DIAPH2: variants seen among roughly 807,000 people sequenced by gnomAD.
The protein encoded by DIAPH2 is protein diaphanous homolog 2.
In DIAPH2, 35 loss-of-function variants were observed where a neutral mutation model predicts 92.7. That is an observed-to-expected ratio of 0.38 (90% confidence interval 0.29 to 0.50). The LOEUF (loss-of-function observed/expected upper bound fraction) is 0.50. DIAPH2 is among the 20% of genes least tolerant of loss of function. DIAPH2 has a pLI of 0.94. For synonymous variants in DIAPH2, 301 were observed against 280.4 expected (o/e 1.07, Z -0.73); for missense variants, 701 against 819.5 (o/e 0.86, Z 1.77).
At chrX:96,770,810 C>CT (rs2064333746) in intron 4 of DIAPH2, among the ~76,000 whole-genome samples, 1 of 111,927 alleles carries the variant, frequency 8.9e-6, no homozygotes, top group Admixed American at 9.5e-5. Context: ...TATAAGTGAT[C>CT]TTTTAAAAAT....
chrX:97,038,133 C>T (rs2066423491), intron 17 of DIAPH2, among the ~76,000 whole-genome samples: 2 of 111,402 alleles, frequency 1.8e-5, no homozygotes, highest in African/African-American at 3.3e-5. Context: ...TCCTGAATTA[C>T]TTCACTTAGG....
At chrX:97,356,592 T>C (rs910529228) in intron 24 of DIAPH2, among the ~76,000 whole-genome samples, 1 of 112,121 alleles carries the variant, frequency 8.9e-6, no homozygotes, top group African/African-American at 3.2e-5. Context: ...ACAGATATCA[T>C]TGAATTCTTC....
chrX:97,073,204 T>G lies in DIAPH2; in HGVS notation c.2152+162T>G, dbSNP rs767077036. Among the ~76,000 whole-genome samples, 7 of 112,158 alleles carry G rather than the reference T, an allele frequency of 6.2e-5. No individual in the cohort carries two copies. In the East Asian group the frequency reaches 1.9e-3, roughly 31 times the overall value. On this transcript the variant is annotated intron_variant, in intron 18 of 26. Coordinates refer to ENST00000324765, the MANE Select transcript of DIAPH2 (RefSeq NM_006729.5). ...CATGATTTGGTTGCCTTTTTGTCAC[T>G]TAGCCAGTAAGGAGAAAATTCTAAT... is the stretch of plus-strand genomic sequence containing the variant.
At chrX:97,016,472 G>A (rs2066261434) in intron 17 of DIAPH2, among the ~76,000 whole-genome samples, 1 of 112,116 alleles carries the variant, frequency 8.9e-6, no homozygotes, top group Admixed American at 9.4e-5. Flanking sequence ...TAAACAGAGA[G>A]ATACTATATA....
intron 11 of DIAPH2, 77 bp downstream of exon 11, chrX:96,937,428 A>C (rs973259439): frequency 1.7e-6 from 1 of 587,567 alleles, no homozygotes; most frequent in East Asian, 3.6e-5. Flanking sequence ...GTGGAACATT[A>C]TTAGAGTTCT....
intron 4 of DIAPH2, among the ~76,000 whole-genome samples, chrX:96,792,157 C>CA (rs1323194339): frequency 1.8e-5 from 2 of 112,041 alleles, no homozygotes; most frequent in African/African-American, 6.5e-5. Flanking sequence ...TCATTCCTTA[C>CA]TTTTATGTTC....
At chrX:97,066,907 AC>A (rs1269892818) in intron 17 of DIAPH2, among the ~76,000 whole-genome samples, 2 of 111,867 alleles carry the variant, frequency 1.8e-5, no homozygotes, top group Admixed American at 1.9e-4. Flanking sequence ...TGTTATCCCT[AC>A]CATTACAACC....
chrX:96,814,317 A>G (rs2064712378), intron 4 of DIAPH2, among the ~76,000 whole-genome samples: 1 of 111,610 alleles, frequency 9.0e-6, no homozygotes, highest in Non-Finnish European at 1.9e-5. Flanking sequence ...TGATCGAATC[A>G]TGTGTTGAAG....
At chrX:97,011,095 A>G (rs1168372747) in intron 17 of DIAPH2, among the ~76,000 whole-genome samples, 1 of 112,313 alleles carries the variant, frequency 8.9e-6, no homozygotes, top group Non-Finnish European at 1.9e-5. Flanking sequence ...CTCTTAATTA[A>G]TTGCTGTAAT....
At chrX:97,482,963 C>T (rs1227077526) in intron 26 of DIAPH2, among the ~76,000 whole-genome samples, 2 of 110,906 alleles carry the variant, frequency 1.8e-5, no homozygotes, top group Non-Finnish European at 3.8e-5. Context: ...GTAATAAATA[C>T]AAAAATGACC....
chrX:97,120,614 GTTT>G (rs139009030), intron 21 of DIAPH2, among the ~76,000 whole-genome samples: 2 of 75,846 alleles, frequency 2.6e-5, no homozygotes, highest in Admixed American at 1.5e-4. Context: ...TTTTTTGTGG[GTTT>G]TTTTTTTTTT....
chrX:97,209,011 A>G (rs905479517), intron 22 of DIAPH2, among the ~76,000 whole-genome samples: 2 of 110,621 alleles, frequency 1.8e-5, no homozygotes, highest in East Asian at 2.8e-4. Flanking sequence ...CTACATAATC[A>G]TTTCTAATTA....
chrX:97,083,526 G>T (rs1192593774), intron 19 of DIAPH2, among the ~76,000 whole-genome samples: 1 of 110,214 alleles, frequency 9.1e-6, no homozygotes, highest in East Asian at 2.8e-4. Flanking sequence ...TTTTATTTTT[G>T]ACTACTGTCC....
intron 23 of DIAPH2, among the ~76,000 whole-genome samples, chrX:97,257,120 A>G (rs1323673186): frequency 8.9e-6 from 1 of 111,881 alleles, no homozygotes; most frequent in Non-Finnish European, 1.9e-5. Context: ...GTCTGAATTA[A>G]TTAATGAAGT....
At chrX:97,214,910 T>C (rs1446908504) in intron 22 of DIAPH2, among the ~76,000 whole-genome samples, 1 of 110,039 alleles carries the variant, frequency 9.1e-6, no homozygotes, top group Non-Finnish European at 1.9e-5. Context: ...GATTTTCTGT[T>C]TTCCTTGAGT....
At chrX:97,471,901 C>T (rs2070567224) in intron 26 of DIAPH2, among the ~76,000 whole-genome samples, 1 of 110,484 alleles carries the variant, frequency 9.1e-6, no homozygotes, top group African/African-American at 3.3e-5. Flanking sequence ...GTAGCTTGGG[C>T]AAGGTCGCAG....
intron 22 of DIAPH2, among the ~76,000 whole-genome samples, chrX:97,235,380 T>C (rs773161918): frequency 9.1e-6 from 1 of 110,364 alleles, no homozygotes; most frequent in Non-Finnish European, 1.9e-5. Context: ...CCACGGTGGG[T>C]GGATCATGAG....
intron 10 of DIAPH2, among the ~76,000 whole-genome samples, chrX:96,934,901 A>G (rs2065647114): frequency 1.8e-5 from 2 of 111,717 alleles, no homozygotes; most frequent in Admixed American, 1.9e-4. Flanking sequence ...GTTGGTAGGC[A>G]GTGGGCATAC....
At chrX:97,204,100 A>G (rs2067775970) in intron 22 of DIAPH2, among the ~76,000 whole-genome samples, 1 of 112,276 alleles carries the variant, frequency 8.9e-6, no homozygotes, top group African/African-American at 3.2e-5. Context: ...GATGCAGAAA[A>G]GGCCTTCAAT....
Sources: gnomAD v4.1 joint callset for allele counts (sites outside exome capture counted in the v4.1 genomes callset) on GRCh38, gnomAD v4.1.1 for gene constraint, MANE v1.5 for transcripts, NCBI Gene and HGNC (gene_info 2026-07-23, HGNC 2026-07-21) for gene names.